TLN2: variants seen among roughly 807,000 people sequenced by gnomAD.
The protein encoded by TLN2 is talin 2.
A neutral mutation model predicts 294.7 loss-of-function variants in TLN2; 118 were observed. The observed-to-expected ratio is 0.40, with a 90% CI of 0.34 to 0.47. The LOEUF (loss-of-function observed/expected upper bound fraction) is 0.47, where lower values mean the gene tolerates loss of function less well. TLN2 is among the 20% of genes least tolerant of loss of function. TLN2 has a pLI of 0.84. For missense variants in TLN2, 3,083 were observed against 3,282.2 expected, an observed-to-expected ratio of 0.94 and a Z score of 1.48; for synonymous variants, 1,431 against 1,304.5, an observed-to-expected ratio of 1.10 and a Z score of -2.09.
At chr15:62,534,231 A>G (rs1044138427) in intron 1 of TLN2, among the ~76,000 whole-genome samples, 19 of 152,062 alleles carry the variant, frequency 1.2e-4, no homozygotes, top group African/African-American at 3.4e-4. Context: ...ATTCAATTCT[A>G]TTTTGACACT....
intron 1 of TLN2, among the ~76,000 whole-genome samples, chr15:62,520,140 C>T (rs892005718): frequency 1.3e-5 from 2 of 152,156 alleles, no homozygotes; most frequent in African/African-American, 2.4e-5. Context: ...CCACCAGGTC[C>T]CTCCAACAAT....
At chr15:62,700,621 T>C (rs2058655904) in intron 16 of TLN2, among the ~76,000 whole-genome samples, 1 of 152,162 alleles carries the variant, frequency 6.6e-6, no homozygotes, top group East Asian at 1.9e-4. Context: ...TGGCCCTTAG[T>C]TGTCTTTACG....
chr15:62,534,993 C>G (rs2041256556), intron 1 of TLN2, among the ~76,000 whole-genome samples: 1 of 152,212 alleles, frequency 6.6e-6, no homozygotes, highest in African/African-American at 2.4e-5. Context: ...TGGGCCTTTG[C>G]TCTGCCTAAG....
intron 28 of TLN2, among the ~76,000 whole-genome samples, chr15:62,727,599 T>C (rs1344450298): frequency 6.6e-6 from 1 of 152,202 alleles, no homozygotes; most frequent in Non-Finnish European, 1.5e-5. Context: ...AACAGAAAGC[T>C]GAGGGGTAGG....
intron 52 of TLN2, among the ~76,000 whole-genome samples, chr15:62,818,305 A>T (rs958673383): frequency 6.6e-6 from 1 of 152,204 alleles, no homozygotes; most frequent in Non-Finnish European, 1.5e-5. Flanking sequence ...TTCTCTCCTG[A>T]CTGTCTGAAC....
In TLN2 at chr15:62,736,869, T is replaced by A; in HGVS notation, c.3359-9T>A. The A allele has an allele frequency of 6.2e-7, 1 of 1,611,666 alleles. No individual in the cohort carries two copies. Among genetic ancestry groups the A allele is most frequent in the Non-Finnish European group, 8.5e-7 (1 of 1,178,300 alleles). ...TCTAATTGGAAATCTGATGGACTTT[T>A]TCCCCCAGGGGTGGCTGCTAGAGAG... On this transcript the variant is annotated splice_polypyrimidine_tract_variant and intron_variant, in intron 28 of 58. Coordinates refer to ENST00000636159, the MANE Select transcript of TLN2 (RefSeq NM_015059.3).
At chr15:62,780,165 T>G (rs2141077408) in intron 43 of TLN2, among the ~76,000 whole-genome samples, 1 of 152,358 alleles carries the variant, frequency 6.6e-6, no homozygotes, top group Non-Finnish European at 1.5e-5. Context: ...CAGGATGACC[T>G]CACTAGACTC....
At chr15:62,496,027 A>T (rs768596209) in intron 1 of TLN2, among the ~76,000 whole-genome samples, 2 of 152,178 alleles carry the variant, frequency 1.3e-5, no homozygotes, top group Admixed American at 1.3e-4. Context: ...TAAACAGATG[A>T]TGATCATGAT....
At chr15:62,421,595 G>A (rs533525771) in intron 1 of TLN2, among the ~76,000 whole-genome samples, 19 of 151,400 alleles carry the variant, frequency 1.3e-4, no homozygotes, top group African/African-American at 4.1e-4. Flanking sequence ...AATACCATAT[G>A]TTCTCACTTA....
intron 1 of TLN2, among the ~76,000 whole-genome samples, chr15:62,557,003 AT>A (rs2042641690): frequency 6.6e-6 from 1 of 152,194 alleles, no homozygotes; most frequent in South Asian, 2.1e-4. Context: ...AGATTTTATG[AT>A]TGATCAAAAA....
intron 1 of TLN2, among the ~76,000 whole-genome samples, chr15:62,391,724 G>A (rs1402899968): frequency 6.6e-6 from 1 of 152,242 alleles, no homozygotes; most frequent in Non-Finnish European, 1.5e-5. Flanking sequence ...ACAGCGCGTC[G>A]CCACGCCAGC....
chr15:62,701,530 C>G (rs1228578095), intron 17 of TLN2, among the ~76,000 whole-genome samples: 2 of 152,200 alleles, frequency 1.3e-5, no homozygotes, highest in Admixed American at 1.3e-4. Flanking sequence ...TGGGCACCTA[C>G]AGTTGGAAAA....
chr15:62,657,616 G>A (rs971961598), intron 8 of TLN2, among the ~76,000 whole-genome samples, 155 bp from the exon 9 acceptor site: 1 of 152,134 alleles, frequency 6.6e-6, no homozygotes, highest in Non-Finnish European at 1.5e-5. Flanking sequence ...TCTCCCATGC[G>A]GTGATCATCC....
chr15:62,416,793 C>T (rs1177763292), intron 1 of TLN2, among the ~76,000 whole-genome samples: 1 of 152,124 alleles, frequency 6.6e-6, no homozygotes, highest in Non-Finnish European at 1.5e-5. Context: ...ATGAAGGCTC[C>T]TAGAAGACCG....
chr15:62,480,370 TG>T (rs552733162), intron 1 of TLN2, among the ~76,000 whole-genome samples: 203 of 152,206 alleles, frequency 1.3e-3, no homozygotes, highest in South Asian at 9.1e-3. Flanking sequence ...CCCGCCACCA[TG>T]CCTGGCTAAT....
chr15:62,431,536 T>C (rs1053742309), intron 1 of TLN2, among the ~76,000 whole-genome samples: 17 of 152,234 alleles, frequency 1.1e-4, no homozygotes, highest in Non-Finnish European at 2.5e-4. Context: ...CTTGTTTGGT[T>C]TCTCAGGGTT....
At chr15:62,772,352 C>T (rs761142984) in intron 42 of TLN2, among the ~76,000 whole-genome samples, 2 of 152,186 alleles carry the variant, frequency 1.3e-5, no homozygotes, top group Non-Finnish European at 2.9e-5. Context: ...AAGCGCCAGC[C>T]ACTGCCCTCA....
At chr15:62,793,129 C>T (rs1596012841) in intron 46 of TLN2, among the ~76,000 whole-genome samples, 1 of 152,238 alleles carries the variant, frequency 6.6e-6, no homozygotes, top group African/African-American at 2.4e-5. Context: ...AGCCAGAGCC[C>T]TTTCCTGCAA....
Position 62,699,385 on chromosome 15 carries a change from A to AT in TLN2, c.1587+531dup, listed in dbSNP as rs111261040. On this transcript the variant is annotated intron_variant, in intron 16 of 58. Coordinates refer to ENST00000636159, the MANE Select transcript of TLN2 (RefSeq NM_015059.3). Reference sequence around the variant, plus strand: ...ATGAATGTTGCTGGACTCTTCCTCTATTTTTTTTTTTTTGGATCTTGGGTA... The same window carrying AT: ...ATGAATGTTGCTGGACTCTTCCTCTATTTTTTTTTTTTTTGGATCTTGGGTA... Among the ~76,000 whole-genome samples the AT allele has an allele frequency of 2.3e-3, 324 of 142,016 alleles. 3 individuals carry two copies. Among genetic ancestry groups the AT allele is most frequent in the Middle Eastern group, 0.011 (3 of 272 alleles). The allele number at this position is 142,016 out of a possible 152,430, so 93.2% of individuals were successfully genotyped here.
Sources: gnomAD v4.1 joint callset for allele counts (sites outside exome capture counted in the v4.1 genomes callset) on GRCh38, gnomAD v4.1.1 for gene constraint, MANE v1.5 for transcripts, NCBI Gene and HGNC (gene_info 2026-07-23, HGNC 2026-07-21) for gene names.